Variants in IZUMO3 observed in about 807,000 individuals in gnomAD.
The protein encoded by IZUMO3 is IZUMO family member 3.
A neutral mutation model predicts 28.4 loss-of-function variants in IZUMO3; 36 were observed. The observed-to-expected ratio is 1.27, with a 90% CI of 0.97 to 1.67. The LOEUF (loss-of-function observed/expected upper bound fraction) is 1.67, where lower values mean the gene tolerates loss of function less well. IZUMO3 is among the 40% of genes most tolerant of loss of function. The probability of loss-of-function intolerance (pLI) is 0.00; values close to 1 mark genes in which losing one functional copy is unlikely to be tolerated. For synonymous variants in IZUMO3, 126 were observed against 99.2 expected (o/e 1.27, Z -1.61); for missense variants, 387 against 278.5 (o/e 1.39, Z -2.77).
rs80091060 is a variant in IZUMO3, at chr9:24,545,718, T to G, written c.-69A>C. 6.1e-5 allele frequency: 94 copies of G among 1,532,812 alleles called. No individual in the cohort carries two copies. The East Asian group carries it at 2.2e-3, about 36-fold the overall frequency. 95.0% of individuals were successfully genotyped at this position (1,532,812 alleles called of 1,614,324 possible). ...ACTAGTTCACTTAGTTCCTTTTCCT[T>G]CAAAAATCCGGGAATGAGAGCCTGG... On this transcript the variant is annotated 5_prime_UTR_variant, in exon 1 of 7. Transcript: ENST00000543880.
At chr9:24,544,355 G>T in intron 4 of IZUMO3, 74 bp from the exon 5 acceptor site, 1 of 1,038,680 alleles carries the variant, frequency 9.6e-7, no homozygotes, top group Non-Finnish European at 1.5e-6. Flanking sequence ...CATCAAGTGT[G>T]GAGGATTTGA....
At chr9:24,544,657 C>T (rs1457172270) in intron 4 of IZUMO3, 86 bp downstream of exon 4, 3 of 1,179,862 alleles carry the variant, frequency 2.5e-6, no homozygotes, top group East Asian at 2.6e-5. Flanking sequence ...CCCAGTGTAA[C>T]AGGTGGGAGA....
rs1441806000 is a variant in IZUMO3, at chr9:24,543,245, A to G, written c.704T>C (p.Phe235Ser). Reference protein sequence around the residue: ...GKIDEKEEKDFRLRK With the variant: ...GKIDEKEEKDSRLRK ...TTGATGTGTTTATTTTCTGAGTCTA[A>G]AGTCTTTCTCCTCCTTCTCATCTAT... Residue 235 changes from phenylalanine to serine, a missense_variant, in exon 7 of 7, where the codon TTT (phenylalanine) becomes TCT (serine). Phe to Ser is a radical substitution (Grantham distance 155). Transcript: ENST00000543880. 1.3e-6 allele frequency: 2 copies of G among 1,545,506 alleles called. No homozygotes were observed. The highest frequency in any genetic ancestry group is 1.7e-4 in the Middle Eastern group (1 of 5,978).
chr9:24,543,651 A>G lies in IZUMO3; in HGVS notation c.581+13T>C. ...TATTTGACCCAGTGTTTATTTGGAG[A>G]GAAGAAACTCACAGTAACACAGCAC... On this transcript the variant is annotated intron_variant, in intron 6 of 6. Transcript: ENST00000543880. The G allele has an allele frequency of 6.6e-7, 1 of 1,514,982 alleles. No individual in the cohort carries two copies. The highest frequency in any genetic ancestry group is 9.0e-7 in the Non-Finnish European group (1 of 1,115,448). The allele number at this position is 1,514,982 out of a possible 1,614,324, so 93.8% of individuals were successfully genotyped here.
chr9:24,543,669 C>G lies in IZUMO3; in HGVS notation c.576G>C (p.Val192=). ...TTTGGAGAGAAGAAACTCACAGTAA[C>G]ACAGCACTTCCCAGTATTACAGCTG... ...LATAVILGSA[V]LLFHFCIFHR... is the part of the protein sequence containing the mutation. The change falls in exon 6 of 7, where the codon GTG becomes GTC. Residue 192 remains valine, a synonymous_variant. Coordinates refer to ENST00000543880, the MANE Select transcript of IZUMO3 (RefSeq NM_001365008.2). 2.6e-6 allele frequency: 4 copies of G among 1,541,456 alleles called. No individual in the cohort carries two copies. Among genetic ancestry groups the G allele is most frequent in the Non-Finnish European group, 3.5e-6 (4 of 1,139,072 alleles).
chr9:24,545,181 A>T, intron 2 of IZUMO3, 31 bp downstream of exon 2: 2 of 1,538,720 alleles, frequency 1.3e-6, no homozygotes. Flanking sequence ...CTTGAGCAAT[A>T]CAAACTTTTA....
intron 4 of IZUMO3, 46 bp downstream of exon 4, chr9:24,544,697 G>A (rs780464903): frequency 2.0e-6 from 3 of 1,530,082 alleles, no homozygotes; most frequent in Non-Finnish European, 2.7e-6. Context: ...AAGGAGATGG[G>A]AAAATATGGG....
rs548897067 is a variant in IZUMO3, at chr9:24,545,602, A to G, written c.48T>C (p.His16=). The change falls in exon 1 of 7, where the codon CAT becomes CAC. Residue 16 remains histidine (H), a synonymous_variant. Transcript: ENST00000543880. ...CACATTCTAAACAGCCTTTGACTCC[A>G]TGGAAGGCTGAGAGGGGCAGGAGCA... ...LFLLLPLSAF[H]GVKGCLECDP... is the part of the protein sequence containing the mutation. 4 of 1,535,376 alleles carry G rather than the reference A, an allele frequency of 2.6e-6. No homozygotes were observed. The African/African-American group carries it at 4.1e-5, about 16-fold the overall frequency.
Position 24,544,129 on chromosome 9 carries a change from A to G in IZUMO3, c.490+72T>C, listed in dbSNP as rs561429058. On this transcript the variant is annotated intron_variant, in intron 5 of 6. Coordinates refer to ENST00000543880, the MANE Select transcript of IZUMO3 (RefSeq NM_001365008.2). ...ATGTAGTGACCCAACAAATACATGT[A>G]GAATAAATCAGTGAGCAACCCTGCT... 127 of 1,015,668 alleles carry G rather than the reference A, an allele frequency of 1.3e-4. 4 individuals carry two copies. The South Asian group carries it at 1.6e-3, about 13-fold the overall frequency. 62.9% of individuals were successfully genotyped at this position (1,015,668 alleles called of 1,614,324 possible).
At position 24,544,371 on chromosome 9, in the gene IZUMO3, A is replaced by G. The variant is rs192840634; in HGVS notation, c.410-90T>C. The G allele has an allele frequency of 1.4e-4, 128 of 917,094 alleles. No individual in the cohort carries two copies. In the African/African-American group the frequency reaches 1.7e-3, roughly 12 times the overall value. 56.8% of individuals were successfully genotyped at this position (917,094 alleles called of 1,614,324 possible). On this transcript the variant is annotated intron_variant, in intron 4 of 6. Transcript: ENST00000543880. ...ATCAAGTGTGGAGGATTTGATCTCA[A>G]GCATTCCCAGGACTCTCAAGTTTGC...
chr9:24,544,754 G>A lies in IZUMO3; in HGVS notation c.398C>T (p.Ser133Phe). The A allele has an allele frequency of 6.5e-7, 1 of 1,550,094 alleles. No individual in the cohort carries two copies. Among genetic ancestry groups the A allele is most frequent in the Non-Finnish European group, 8.7e-7 (1 of 1,146,716 alleles). The stretch of plus-strand genomic sequence containing the variant: ...TGTACTGTACTCACTGCAATCTTCA[G>A]AACAAGCTAGAAGAGAATCAGAAAG... Reference protein sequence around the residue: ...LLKNFSEIACSEDCIVVEGPI... With the variant: ...LLKNFSEIACFEDCIVVEGPI... The change falls in exon 4 of 7, where the codon TCT becomes TTT. Residue 133 changes from serine to phenylalanine, a missense_variant. Transcript: ENST00000543880.
chr9:24,543,369 T>C lies in IZUMO3; in HGVS notation c.582-2A>G. 6.5e-7 allele frequency: 1 copy of C among 1,533,550 alleles called. No homozygotes were observed. Among genetic ancestry groups the C allele is most frequent in the Non-Finnish European group, 8.8e-7 (1 of 1,140,146 alleles). 95.0% of individuals were successfully genotyped at this position (1,533,550 alleles called of 1,614,324 possible). A position where few individuals can be genotyped will look rare whatever the true frequency, so the allele number is the denominator to read the frequency against. On this transcript the variant is annotated splice_acceptor_variant, in intron 6 of 6. Coordinates refer to ENST00000543880, the MANE Select transcript of IZUMO3 (RefSeq NM_001365008.2). LOFTEE classifies it high-confidence loss of function. Reference sequence around the variant, plus strand: ...CGATGAAAGATGCAAAAATGGAATCTAGAGTAGGAAAAGAAAATAATTCCA... The same window carrying C: ...CGATGAAAGATGCAAAAATGGAATCCAGAGTAGGAAAAGAAAATAATTCCA...
chr9:24,544,153 C>T (rs1237857971), intron 5 of IZUMO3, 48 bp downstream of exon 5: 2 of 1,282,724 alleles, frequency 1.6e-6, no homozygotes. Flanking sequence ...AGCAACCCTG[C>T]TCCTTAATCC....
chr9:24,545,431 C>T lies in IZUMO3; in HGVS notation c.219G>A (p.Arg73=), dbSNP rs1397530989. 32 of 1,539,758 alleles carry T rather than the reference C, an allele frequency of 2.1e-5. No homozygotes were observed. Among genetic ancestry groups the T allele is most frequent in the Non-Finnish European group, 2.6e-5 (30 of 1,146,806 alleles). ...FKVSHSDKRL[R]VLAVQQVVKL... ...AACTCAAGCTTCCCTCACCCAACACCCGAAGCCTCTTGTCACTGTGGGAGA... is the reference window on the plus strand; with the variant it reads ...AACTCAAGCTTCCCTCACCCAACACTCGAAGCCTCTTGTCACTGTGGGAGA... Residue 73 remains arginine, a synonymous_variant, in exon 1 of 7, where the codon CGG becomes CGA. Coordinates refer to ENST00000543880, the MANE Select transcript of IZUMO3 (RefSeq NM_001365008.2).
At chr9:24,543,965 T>A (rs1819521391) in intron 5 of IZUMO3, among the ~76,000 whole-genome samples, 1 of 152,134 alleles carries the variant, frequency 6.6e-6, no homozygotes, top group South Asian at 2.1e-4. Context: ...CTTCCCAGCC[T>A]AATTTCTTCA....
At chr9:24,545,134 T>TA in intron 2 of IZUMO3, 73 bp from the exon 3 acceptor site, 1 of 1,492,916 alleles carries the variant, frequency 6.7e-7, no homozygotes, top group South Asian at 1.2e-5. Context: ...TGTCTGTTTT[T>TA]ATCTTTGTTT....
Position 24,545,574 on chromosome 9 carries a change from G to A in IZUMO3, c.76C>T (p.Pro26Ser), listed in dbSNP as rs1236415950. 2 of 1,535,330 alleles carry A rather than the reference G, an allele frequency of 1.3e-6. No homozygotes were observed. The highest frequency in any genetic ancestry group is 8.7e-7 in the Non-Finnish European group (1 of 1,146,694). Residue 26 changes from proline (P) to serine (S), a missense_variant, in exon 1 of 7, where the codon CCC becomes TCC. Coordinates refer to ENST00000543880, the MANE Select transcript of IZUMO3 (RefSeq NM_001365008.2). ...HGVKGCLECD[P>S]KFIEDVGSLL... The stretch of plus-strand genomic sequence containing the variant: ...GAGCCAACATCCTCTATAAATTTGG[G>A]GTCACATTCTAAACAGCCTTTGACT...
rs1048101028 is a variant in IZUMO3 at position 24,544,148 on chromosome 9, C to A, written c.490+53G>T. The A allele has an allele frequency of 4.1e-6, 5 of 1,230,462 alleles. No individual in the cohort carries two copies. In the African/African-American group the frequency reaches 6.0e-5, roughly 15 times the overall value. The allele number at this position is 1,230,462 out of a possible 1,614,324, so 76.2% of individuals were successfully genotyped here. A position where few individuals can be genotyped will look rare whatever the true frequency, so the allele number is the denominator to read the frequency against. On this transcript the variant is annotated intron_variant, in intron 5 of 6. Coordinates refer to ENST00000543880, the MANE Select transcript of IZUMO3 (RefSeq NM_001365008.2). ...ACATGTAGAATAAATCAGTGAGCAA[C>A]CCTGCTCCTTAATCCCTGTCCCTTC... is the stretch of plus-strand genomic sequence containing the variant.
chr9:24,543,692 C>A lies in IZUMO3; in HGVS notation c.553G>T (p.Ala185Ser), dbSNP rs1344699052. The change falls in exon 6 of 7, where the codon GCT becomes TCT. Residue 185 changes from alanine (A) to serine (S), a missense_variant. Ala to Ser is a moderately conservative substitution (Grantham distance 99). Coordinates refer to ENST00000543880, the MANE Select transcript of IZUMO3 (RefSeq NM_001365008.2). ...AACACAGCACTTCCCAGTATTACAGCTGTTGCCAGCAATATGAGAAATAGA... is the reference window on the plus strand; with the variant it reads ...AACACAGCACTTCCCAGTATTACAGATGTTGCCAGCAATATGAGAAATAGA... ...IALFLILLAT[A>S]VILGSAVLLF... 1 of 1,548,956 alleles carries A rather than the reference C, an allele frequency of 6.5e-7. No homozygotes were observed. The highest frequency in any genetic ancestry group is 1.2e-5 in the South Asian group (1 of 84,024).
Sources: gnomAD v4.1 joint callset for allele counts (sites outside exome capture counted in the v4.1 genomes callset) on GRCh38, gnomAD v4.1.1 for gene constraint, MANE v1.5 for transcripts, NCBI Gene and HGNC (gene_info 2026-07-23, HGNC 2026-07-21) for gene names.